Variants in PINX1 observed in about 807,000 individuals in gnomAD.
PINX1 encodes PIN2/TERF1-interacting telomerase inhibitor 1.
A neutral mutation model predicts 25.4 loss-of-function variants in PINX1; 34 were observed. The observed-to-expected ratio is 1.34, with a 90% CI of 1.02 to 1.78. The LOEUF (loss-of-function observed/expected upper bound fraction) is 1.78, where lower values mean the gene tolerates loss of function less well. Ranked by LOEUF, PINX1 falls within the 40% of genes most tolerant of loss-of-function variation. PINX1 has a pLI of 0.00. For missense variants in PINX1, 592 were observed against 404.9 expected, an observed-to-expected ratio of 1.46 and a Z score of -3.97; for synonymous variants, 197 against 147.7, an observed-to-expected ratio of 1.33 and a Z score of -2.42.
At chr8:10,789,069 G>T (rs1476491687) in intron 6 of PINX1, among the ~76,000 whole-genome samples, 2 of 152,216 alleles carry the variant, frequency 1.3e-5, no homozygotes, top group Non-Finnish European at 2.9e-5. Flanking sequence ...CTTCCTGCCA[G>T]CCTCCCCTTC....
At chr8:10,829,607 G>A (rs889576624) in intron 4 of PINX1, among the ~76,000 whole-genome samples, 7 of 152,164 alleles carry the variant, frequency 4.6e-5, no homozygotes, top group African/African-American at 1.2e-4. Flanking sequence ...AATCCAGGCA[G>A]TCTAACTCTG....
chr8:10,808,694 C>G (rs1802533029), intron 6 of PINX1, among the ~76,000 whole-genome samples: 1 of 152,180 alleles, frequency 6.6e-6, no homozygotes, highest in Non-Finnish European at 1.5e-5. Flanking sequence ...GAGATCTTAA[C>G]TCGGAAGGAA....
rs7841106 is a variant in PINX1 at position 10,795,748 on chromosome 8, C to G, written c.471+24445G>C. Among the ~76,000 whole-genome samples, 568 of 152,244 alleles carry G rather than the reference C, an allele frequency of 3.7e-3. 3 individuals are homozygous for G. The highest frequency in any genetic ancestry group is 0.013 in the African/African-American group (539 of 41,536). On this transcript the variant is annotated intron_variant, in intron 6 of 6. Transcript: ENST00000314787. Reference sequence around the variant, plus strand: ...AAGACTCTCAAAGCATACTGTATTACCTAAATAGGTAAAGTCAAAAGTAAA... The same window carrying G: ...AAGACTCTCAAAGCATACTGTATTAGCTAAATAGGTAAAGTCAAAAGTAAA...
intron 6 of PINX1, among the ~76,000 whole-genome samples, chr8:10,809,189 G>A (rs1266124235): frequency 6.6e-6 from 1 of 152,198 alleles, no homozygotes; most frequent in Non-Finnish European, 1.5e-5. Flanking sequence ...GGAAAGAACA[G>A]AAGATAAATC....
At chr8:10,833,105 A>G in intron 2 of PINX1, 121 bp from the exon 3 acceptor site, 1 of 591,356 alleles carries the variant, frequency 1.7e-6, no homozygotes, top group East Asian at 3.0e-5. Context: ...TCTCTCCATT[A>G]AATACTTTCA....
intron 5 of PINX1, among the ~76,000 whole-genome samples, chr8:10,824,347 A>G (rs1311482843): frequency 6.6e-6 from 1 of 151,928 alleles, no homozygotes; most frequent in Non-Finnish European, 1.5e-5. Flanking sequence ...TCTTTTCCTC[A>G]CTCCCTGGAC....
intron 3 of PINX1, 107 bp from the exon 4 acceptor site, chr8:10,831,850 T>G (rs1277547876): frequency 1.5e-6 from 1 of 669,194 alleles, no homozygotes; most frequent in Admixed American, 2.3e-5. Flanking sequence ...TTAAGAAATT[T>G]TAAATGTTCC....
intron 6 of PINX1, among the ~76,000 whole-genome samples, chr8:10,810,040 G>C (rs1296310470): frequency 6.6e-6 from 1 of 152,296 alleles, no homozygotes; most frequent in South Asian, 2.1e-4. Context: ...GGCAGGAGGA[G>C]GTGCCAGGCT....
intron 6 of PINX1, among the ~76,000 whole-genome samples, chr8:10,783,877 G>A (rs1164740301): frequency 6.6e-6 from 1 of 152,320 alleles, no homozygotes; most frequent in South Asian, 2.1e-4. Context: ...ATTCAAGCCT[G>A]ATCCTAACAT....
At chr8:10,771,936 A>G (rs1375516930) in intron 6 of PINX1, among the ~76,000 whole-genome samples, 3 of 152,226 alleles carry the variant, frequency 2.0e-5, no homozygotes, top group African/African-American at 7.2e-5. Context: ...AGCAATAAAT[A>G]GAAACTCAGT....
intron 1 of PINX1, among the ~76,000 whole-genome samples, chr8:10,837,349 G>T (rs913627535): frequency 1.3e-5 from 2 of 152,204 alleles, no homozygotes; most frequent in East Asian, 1.9e-4. Context: ...CTGGGGGAGG[G>T]CTCTGGAAGC....
At chr8:10,816,335 T>C (rs929764350) in intron 6 of PINX1, among the ~76,000 whole-genome samples, 41 of 152,182 alleles carry the variant, frequency 2.7e-4, no homozygotes, top group Non-Finnish European at 8.8e-5. Context: ...TGTTCATCTA[T>C]AAAAAGTTAA....
chr8:10,809,567 C>T (rs1802561624), intron 6 of PINX1, among the ~76,000 whole-genome samples: 1 of 152,232 alleles, frequency 6.6e-6, no homozygotes, highest in Admixed American at 6.5e-5. Flanking sequence ...TCACTCCAGC[C>T]AGCCAATATC....
Position 10,765,988 on chromosome 8 carries a change from CCACACCCGGCGCT to C in PINX1, c.472-85_472-73del, listed in dbSNP as rs913135916. 447 of 1,468,372 alleles carry C rather than the reference CCACACCCGGCGCT, an allele frequency of 3.0e-4. 3 individuals carry two copies. In the Middle Eastern group the frequency reaches 6.6e-3, roughly 22 times the overall value. 91.0% of individuals were successfully genotyped at this position (1,468,372 alleles called of 1,614,324 possible). A position where few individuals can be genotyped will look rare whatever the true frequency, so the allele number is the denominator to read the frequency against. ...ATCCCTCACCGCACCCAGGAGGCAC[CCACACCCGGCGCT>C]CACACCTGGCACCCACACCCGGCGC... is the stretch of plus-strand genomic sequence containing the variant. On this transcript the variant is annotated intron_variant, in intron 6 of 6. Coordinates refer to ENST00000314787, the MANE Select transcript of PINX1 (RefSeq NM_017884.6).
intron 6 of PINX1, among the ~76,000 whole-genome samples, chr8:10,781,529 T>C (rs193041193): frequency 4.9e-4 from 75 of 152,248 alleles, no homozygotes; most frequent in African/African-American, 1.8e-3. Flanking sequence ...GATTAAAAAA[T>C]GGGCAAAGAT....
At chr8:10,838,071 G>A (rs929803874) in intron 1 of PINX1, among the ~76,000 whole-genome samples, 2 of 152,190 alleles carry the variant, frequency 1.3e-5, no homozygotes, top group African/African-American at 4.8e-5. Flanking sequence ...CCAAGTTGTC[G>A]CTGTACCTCA....
intron 6 of PINX1, among the ~76,000 whole-genome samples, chr8:10,789,227 G>T (rs752264509): frequency 3.9e-5 from 6 of 152,232 alleles, no homozygotes; most frequent in Non-Finnish European, 5.9e-5. Flanking sequence ...ACCCTGCATA[G>T]ACAGAAGATG....
intron 6 of PINX1, among the ~76,000 whole-genome samples, chr8:10,777,821 G>A (rs1470307027): frequency 6.6e-6 from 1 of 152,158 alleles, no homozygotes; most frequent in Non-Finnish European, 1.5e-5. Flanking sequence ...CTGGCTCCTG[G>A]GCACGTAGCA....
intron 2 of PINX1, among the ~76,000 whole-genome samples, chr8:10,834,027 C>CA (rs1798314672): frequency 6.6e-6 from 1 of 152,080 alleles, no homozygotes. Flanking sequence ...AGAAAAATGA[C>CA]AGTTCCCAGA....
Sources: gnomAD v4.1 joint callset for allele counts (sites outside exome capture counted in the v4.1 genomes callset) on GRCh38, gnomAD v4.1.1 for gene constraint, MANE v1.5 for transcripts, NCBI Gene and HGNC (gene_info 2026-07-23, HGNC 2026-07-21) for gene names.